KHDRBS2: variants seen among roughly 807,000 people sequenced by gnomAD.
KHDRBS2 encodes the protein KH RNA binding domain containing, signal transduction associated 2.
KHDRBS2 carries 26 observed loss-of-function variants against 44.3 expected under a neutral mutation model. The ratio of observed to expected loss-of-function variants is 0.59; its 90% CI spans 0.43 to 0.81. KHDRBS2 has a LOEUF of 0.81. KHDRBS2 is among the 40% of genes least tolerant of loss of function. The pLI is 0.00. For synonymous variants in KHDRBS2, 194 were observed against 151.1 expected (o/e 1.28, Z -2.08); for missense variants, 476 against 433.1 (o/e 1.10, Z -0.88).
At chr6:61,571,767 A>G in the KHDRBS2 span, among the ~76,000 whole-genome samples, 2 of 152,104 alleles carry the variant, frequency 1.3e-5, no homozygotes, top group Non-Finnish European at 2.9e-5. Flanking sequence ...GGAACTCTCA[A>G]AATATACAAA....
At chr6:61,843,155 G>T (rs893494261) in intron 6 of KHDRBS2, among the ~76,000 whole-genome samples, 1 of 151,926 alleles carries the variant, frequency 6.6e-6, no homozygotes, top group Non-Finnish European at 1.5e-5. Context: ...GAAAGTAGAT[G>T]GCTAGGGATT....
rs571078365 is a variant in KHDRBS2 at position 61,785,103 on chromosome 6, T to A, written c.811-52339A>T. Among the ~76,000 whole-genome samples the A allele has an allele frequency of 3.9e-5, 6 of 151,942 alleles. No individual in the cohort carries two copies. The East Asian group carries it at 1.2e-3, about 30-fold the overall frequency. On this transcript the variant is annotated intron_variant, in intron 6 of 8. Coordinates refer to ENST00000281156, the MANE Select transcript of KHDRBS2 (RefSeq NM_152688.4). Reference sequence around the variant, plus strand: ...AGATGGAGGCTGCAATGAGTCATAATCGTGACACTATACTCCAGCCTGGGC... The same window carrying A: ...AGATGGAGGCTGCAATGAGTCATAAACGTGACACTATACTCCAGCCTGGGC...
At chr6:62,081,450 G>A (rs1797375600) in intron 2 of KHDRBS2, among the ~76,000 whole-genome samples, 1 of 152,148 alleles carries the variant, frequency 6.6e-6, no homozygotes. Context: ...TAAACAGAGA[G>A]TGAGTTTGAC....
intron 6 of KHDRBS2, among the ~76,000 whole-genome samples, chr6:61,831,752 T>G (rs986398682): frequency 2.0e-5 from 3 of 152,226 alleles, no homozygotes; most frequent in African/African-American, 7.2e-5. Context: ...AAACAATTCC[T>G]TTTTGGCAAA....
chr6:61,888,436 A>G (rs1360210366), intron 6 of KHDRBS2, among the ~76,000 whole-genome samples: 1 of 152,172 alleles, frequency 6.6e-6, no homozygotes, highest in East Asian at 1.9e-4. Context: ...ATTGTACTAT[A>G]TGTAAGTCAC....
At chr6:61,711,997 G>C (rs1189342698) in intron 7 of KHDRBS2, among the ~76,000 whole-genome samples, 1 of 151,726 alleles carries the variant, frequency 6.6e-6, no homozygotes, top group Non-Finnish European at 1.5e-5. Context: ...CTCTGTTCTA[G>C]CTATGCAAAG....
chr6:62,042,340 A>G (rs990203666), intron 3 of KHDRBS2, among the ~76,000 whole-genome samples: 1 of 152,142 alleles, frequency 6.6e-6, no homozygotes, highest in Non-Finnish European at 1.5e-5. Context: ...CTCTGCTGGA[A>G]GTCAAAATGA....
chr6:62,039,804 T>C (rs925244796), intron 3 of KHDRBS2, among the ~76,000 whole-genome samples: 3 of 152,114 alleles, frequency 2.0e-5, no homozygotes, highest in Non-Finnish European at 4.4e-5. Context: ...ACTTTCTGTG[T>C]AGTGCCATTT....
At chr6:62,199,614 G>A (rs1231572881) in intron 1 of KHDRBS2, among the ~76,000 whole-genome samples, 1 of 152,168 alleles carries the variant, frequency 6.6e-6, no homozygotes, top group Non-Finnish European at 1.5e-5. Flanking sequence ...AAAATTCCAT[G>A]CTCATGGGTA....
chr6:61,774,852 A>T (rs1313008433), intron 6 of KHDRBS2, among the ~76,000 whole-genome samples: 1 of 152,172 alleles, frequency 6.6e-6, no homozygotes, highest in African/African-American at 2.4e-5. Context: ...AGAGAATTTT[A>T]GACCAATATC....
chr6:61,683,922 A>G (rs1487641913), intron 8 of KHDRBS2, among the ~76,000 whole-genome samples: 1 of 151,922 alleles, frequency 6.6e-6, no homozygotes, highest in Non-Finnish European at 1.5e-5. Context: ...GTAAGTTTCT[A>G]ATTTTCCAAG....
intron 6 of KHDRBS2, among the ~76,000 whole-genome samples, chr6:61,823,890 GT>G (rs1238753757): frequency 6.6e-6 from 1 of 152,076 alleles, no homozygotes; most frequent in Non-Finnish European, 1.5e-5. Flanking sequence ...AAGAAATAAT[GT>G]CTGAAATAAC....
the KHDRBS2 span, among the ~76,000 whole-genome samples, chr6:61,602,733 C>T: frequency 2.6e-5 from 4 of 152,150 alleles, no homozygotes; most frequent in African/African-American, 7.2e-5. Flanking sequence ...TCCTTTGCCT[C>T]CATAACTGTT....
chr6:62,226,189 GACAGCATGTATA>G (rs1345761563), intron 1 of KHDRBS2, among the ~76,000 whole-genome samples: 1 of 151,974 alleles, frequency 6.6e-6, no homozygotes, highest in Non-Finnish European at 1.5e-5. Context: ...CCACAGCCTC[GACAGCATGTATA>G]GTTTCTTGAG....
intron 6 of KHDRBS2, among the ~76,000 whole-genome samples, chr6:61,886,514 T>A (rs1244424489): frequency 6.6e-6 from 1 of 150,866 alleles, no homozygotes; most frequent in Non-Finnish European, 1.5e-5. Context: ...GGAGCATGCA[T>A]AGTTTCTATT....
At chr6:61,905,502 G>A (rs1168557633) in intron 4 of KHDRBS2, among the ~76,000 whole-genome samples, 2 of 152,194 alleles carry the variant, frequency 1.3e-5, no homozygotes, top group African/African-American at 2.4e-5. Flanking sequence ...ATAACCTTAC[G>A]TTTAAAATGT....
At chr6:61,640,629 A>G in the KHDRBS2 span, among the ~76,000 whole-genome samples, 1 of 152,132 alleles carries the variant, frequency 6.6e-6, no homozygotes, top group East Asian at 1.9e-4. Context: ...ATTCAACACA[A>G]TAGATAGTTG....
intron 7 of KHDRBS2, among the ~76,000 whole-genome samples, chr6:61,731,938 G>A (rs1765616428): frequency 6.6e-6 from 1 of 151,962 alleles, no homozygotes; most frequent in South Asian, 2.1e-4. Flanking sequence ...GTAAAACTAT[G>A]GTAACAAAAA....
intron 6 of KHDRBS2, among the ~76,000 whole-genome samples, chr6:61,838,441 G>T (rs1456502733): frequency 6.6e-6 from 1 of 151,524 alleles, no homozygotes; most frequent in Non-Finnish European, 1.5e-5. Context: ...TTGAATCCTG[G>T]GAATATTTCT....
Sources: allele counts gnomAD v4.1 joint callset (sites outside exome capture counted in the v4.1 genomes callset), GRCh38; gene constraint gnomAD v4.1.1; transcripts MANE v1.5; gene names NCBI Gene and HGNC (gene_info 2026-07-23, HGNC 2026-07-21).